The following PPP5C variants were observed in gnomAD, a reference collection of about 807,000 sequenced individuals.
PPP5C encodes the protein protein phosphatase 5 catalytic subunit.
A neutral mutation model predicts 66.7 loss-of-function variants in PPP5C; 21 were observed. The observed-to-expected ratio is 0.31, with a 90% CI of 0.22 to 0.45. PPP5C has a LOEUF of 0.45. PPP5C is among the 20% of genes least tolerant of loss of function. The pLI, the probability that PPP5C is intolerant of heterozygous loss-of-function variation, is 1.00. For synonymous variants in PPP5C, 246 were observed against 257.4 expected (o/e 0.96, Z 0.43); for missense variants, 464 against 675.9 (o/e 0.69, Z 3.48).
intron 2 of PPP5C, 79 bp from the exon 3 acceptor site, chr19:46,375,510 TCCACTTTCATGGAAC>T: frequency 2.0e-6 from 3 of 1,532,046 alleles, no homozygotes; most frequent in Non-Finnish European, 1.8e-6. Context: ...CGGTCTGACT[TCCACTTTCATGGAAC>T]CCAGGGCTGG....
chr19:46,388,269 C>T lies in PPP5C; in HGVS notation c.1136-139C>T. On this transcript the variant is annotated intron_variant, in intron 9 of 12. Transcript: ENST00000012443. This position sits in a 1 kb window ranked among gnomAD's most constrained non-coding sequence, Gnocchi z 4.9. ...AGTCACCTGTCCTGAATGTCCATGT[C>T]CATGCTGGATGTCCCCTGCCCAACA... 1.1e-6 allele frequency: 1 copy of T among 872,636 alleles called. No individual in the cohort carries two copies. Among genetic ancestry groups the T allele is most frequent in the Admixed American group, 2.9e-5 (1 of 34,458 alleles). The allele number at this position is 872,636 out of a possible 1,614,324, so 54.1% of individuals were successfully genotyped here.
At chr19:46,364,670 T>A (rs890581193) in intron 2 of PPP5C, among the ~76,000 whole-genome samples, 1 of 151,968 alleles carries the variant, frequency 6.6e-6, no homozygotes, top group East Asian at 1.9e-4. Context: ...AAAAAAAAAA[T>A]AATTGTACCT....
chr19:46,376,657 G>C lies in PPP5C; in HGVS notation c.633+83G>C, dbSNP rs114698345. On this transcript the variant is annotated intron_variant, in intron 4 of 12. Transcript: ENST00000012443. This position sits in a 1 kb window ranked among gnomAD's most constrained non-coding sequence, Gnocchi z 5.1. ...GCCAGCCGCGGGCACTGAGCAAAAC[G>C]ACAGGAGAAGGGCGGCCATGACAGC... 984 of 1,552,176 alleles carry C rather than the reference G, an allele frequency of 6.3e-4. 6 individuals are homozygous for C. The African/African-American group carries it at 0.012, about 19-fold the overall frequency.
rs1601447620 is a variant in PPP5C, at chr19:46,388,154, T to G, written c.1136-254T>G. The G allele has an allele frequency of 2.1e-6, 1 of 484,214 alleles. No homozygotes were observed. The highest frequency in any genetic ancestry group is 3.1e-5 in the East Asian group (1 of 32,278). 30.0% of individuals were successfully genotyped at this position (484,214 alleles called of 1,614,324 possible). On this transcript the variant is annotated intron_variant, in intron 9 of 12. Transcript: ENST00000012443. This position sits in a 1 kb window ranked among gnomAD's most constrained non-coding sequence, Gnocchi z 4.9. ...AGGGGCCTGATCTGAATAGTGACAT[T>G]GAAAGCTCTATCTGGCTTCGGGGCC...
At chr19:46,362,205 A>G (rs544661732) in intron 2 of PPP5C, among the ~76,000 whole-genome samples, 1 of 152,340 alleles carries the variant, frequency 6.6e-6, no homozygotes, top group Admixed American at 6.5e-5. Context: ...ATTCATAGCA[A>G]AAACCTAAGA....
intron 6 of PPP5C, 39 bp from the exon 7 acceptor site, chr19:46,384,765 T>TGGGG: frequency 9.3e-7 from 1 of 1,078,648 alleles, no homozygotes; most frequent in Non-Finnish European, 1.4e-6. Context: ...CACCGCACCC[T>TGGGG]TCCCCTCCAC....
rs1253543852 is a variant in PPP5C at position 46,387,185 on chromosome 19, G to A, written c.997G>A (p.Glu333Lys). The change falls in exon 8 of 13, where the codon GAG becomes AAG. Residue 333 changes from glutamate to lysine, a missense_variant. Physicochemically the swap from Glu to Lys is moderately conservative, Grantham distance 56. Around this residue, in one of 2 missense-constraint regions of PPP5C, gnomAD observed 387 missense variants for 626.0 expected, o/e 0.62. Coordinates refer to ENST00000012443, the MANE Select transcript of PPP5C (RefSeq NM_006247.4). ...YTAQMYELFS[E>K]VFEWLPLAQC... ...AGCCCAGATGTACGAGCTCTTTAGC[G>A]AGGTGTTCGAGTGGCTCCCGTTGGC... 1.9e-6 allele frequency: 3 copies of A among 1,614,132 alleles called. No individual in the cohort carries two copies. Among genetic ancestry groups the A allele is most frequent in the Non-Finnish European group, 2.5e-6 (3 of 1,180,054 alleles).
chr19:46,375,552 C>A, intron 2 of PPP5C, 52 bp from the exon 3 acceptor site: 1 of 1,599,886 alleles, frequency 6.3e-7, no homozygotes. Context: ...TGGGGGCAAC[C>A]GCTGTGCCCC....
intron 2 of PPP5C, among the ~76,000 whole-genome samples, chr19:46,355,379 G>A (rs1256856039): frequency 1.3e-5 from 2 of 150,280 alleles, no homozygotes; most frequent in Admixed American, 6.6e-5. Context: ...TGGGAGCCGC[G>A]AGTCTGCAGT....
chr19:46,347,268 C>A (rs778112186), intron 1 of PPP5C, 51 bp downstream of exon 1: 22 of 1,532,298 alleles, frequency 1.4e-5, no homozygotes, highest in Non-Finnish European at 1.8e-5. Context: ...TGAGGGGTGC[C>A]GGGCCCGCGC....
rs1235930072 is a variant in PPP5C at position 46,383,474 on chromosome 19, G to A, written c.697G>A (p.Glu233Lys). ...LSTLVETTLK[E>K]TEKITVCGDT... The stretch of plus-strand genomic sequence containing the variant: ...CACGCTCGTGGAAACCACACTCAAA[G>A]AGGTGCGCGTTGTGGGGCAGTGCGG... The change falls in exon 5 of 13, where the codon GAG becomes AAG. Residue 233 changes from glutamate (E) to lysine (K), a missense_variant and splice_region_variant. Coordinates refer to ENST00000012443, the MANE Select transcript of PPP5C (RefSeq NM_006247.4). This position sits in a 1 kb window ranked among gnomAD's most constrained non-coding sequence, Gnocchi z 5.0. 4 of 1,605,516 alleles carry A rather than the reference G, an allele frequency of 2.5e-6. No homozygotes were observed. Among genetic ancestry groups the A allele is most frequent in the Non-Finnish European group, 3.4e-6 (4 of 1,174,148 alleles).
intron 6 of PPP5C, chr19:46,384,324 A>G: frequency 4.1e-6 from 1 of 243,800 alleles, no homozygotes; most frequent in Non-Finnish European, 8.1e-6. Context: ...AGTTACTGAG[A>G]GGACAGGTTA....
chr19:46,366,300 T>C (rs896878924), intron 2 of PPP5C, among the ~76,000 whole-genome samples: 3 of 152,030 alleles, frequency 2.0e-5, no homozygotes, highest in Non-Finnish European at 4.4e-5. Context: ...GGAAACACTT[T>C]AAGTTACCTT....
intron 2 of PPP5C, 63 bp downstream of exon 2, chr19:46,354,052 C>G (rs1381612505): frequency 1.9e-6 from 3 of 1,572,744 alleles, no homozygotes; most frequent in Non-Finnish European, 2.6e-6. Context: ...GCTGGGCTGG[C>G]GGGGACGGGT....
At position 46,379,393 on chromosome 19, in the gene PPP5C, G is replaced by A. The variant is rs915696790; in HGVS notation, c.633+2819G>A. Among the ~76,000 whole-genome samples the A allele has an allele frequency of 2.0e-5, 3 of 152,196 alleles. No individual in the cohort carries two copies. The South Asian group carries it at 6.2e-4, about 32-fold the overall frequency. On this transcript the variant is annotated intron_variant, in intron 4 of 12. Transcript: ENST00000012443. ...AATAGAGACAGTGTTTCACCATGTT[G>A]GTCAAGTTGGTCTCAAACTCCTGAC... is the stretch of plus-strand genomic sequence containing the variant.
chr19:46,373,580 G>A (rs1267938481), intron 2 of PPP5C, among the ~76,000 whole-genome samples: 1 of 144,234 alleles, frequency 6.9e-6, no homozygotes. Flanking sequence ...TTCCCAGCCC[G>A]CCCACCCCTG....
intron 2 of PPP5C, among the ~76,000 whole-genome samples, chr19:46,364,564 G>A (rs1039611010): frequency 5.3e-5 from 8 of 152,092 alleles, no homozygotes; most frequent in Non-Finnish European, 4.4e-5. Context: ...GAGGTCTAGG[G>A]TAATCATTAT....
In PPP5C at chr19:46,375,585, C is replaced by T. The variant is rs778781255; in HGVS notation, c.364-19C>T. 1.9e-6 allele frequency: 3 copies of T among 1,613,294 alleles called. No individual in the cohort carries two copies. Among genetic ancestry groups the T allele is most frequent in the Non-Finnish European group, 2.5e-6 (3 of 1,179,512 alleles). ...CCCCACCTCAGCCTCAGTGTGCACGCCCCTTCCCTCCCACCCAGGTGGTCA... is the reference window on the plus strand; with the variant it reads ...CCCCACCTCAGCCTCAGTGTGCACGTCCCTTCCCTCCCACCCAGGTGGTCA... On this transcript the variant is annotated intron_variant, in intron 2 of 12. Transcript: ENST00000012443.
chr19:46,352,748 A>C (rs946351834), intron 1 of PPP5C, among the ~76,000 whole-genome samples: 3 of 148,860 alleles, frequency 2.0e-5, no homozygotes, highest in African/African-American at 7.5e-5. Flanking sequence ...TGAACCTGGG[A>C]GGCGGAGCTT....
Sources: gnomAD v4.1 joint callset for allele counts (sites outside exome capture counted in the v4.1 genomes callset) on GRCh38, gnomAD v4.1.1 for gene constraint, gnomAD v4.1.1 regional missense constraint, Gnocchi (gnomAD v3.1) non-coding constraint, MANE v1.5 for transcripts, NCBI Gene and HGNC (gene_info 2026-07-23, HGNC 2026-07-21) for gene names.